ARHGAP20: variants seen among roughly 807,000 people sequenced by gnomAD.
ARHGAP20 encodes Rho GTPase activating protein 20.
Under a neutral mutation model 73.7 loss-of-function variants are expected in ARHGAP20, and 34 were observed. The observed-to-expected ratio is 0.46, with a 90% CI of 0.35 to 0.61. The LOEUF is 0.61. Ranked by LOEUF, ARHGAP20 falls within the 20% of genes least tolerant of loss-of-function variation. The pLI is 0.00. For missense variants in ARHGAP20, 1,314 were observed against 1,420.9 expected, an observed-to-expected ratio of 0.92 and a Z score of 1.21; for synonymous variants, 523 against 518.2, an observed-to-expected ratio of 1.01 and a Z score of -0.13.
At chr11:110,649,201 CTTT>C (rs869156175) in intron 2 of ARHGAP20, among the ~76,000 whole-genome samples, 10,230 of 86,772 alleles carry the variant, frequency 0.12, 209 homozygotes, top group South Asian at 0.21. Context: ...ATTATTAAAC[CTTT>C]TTTTTTTTTT....
chr11:110,711,626 G>A (rs1591202273), intron 1 of ARHGAP20: 3 of 1,485,340 alleles, frequency 2.0e-6, no homozygotes, highest in Non-Finnish European at 2.7e-6. Flanking sequence ...TGAGGGGGCC[G>A]AGCCCACCAG....
intron 4 of ARHGAP20, among the ~76,000 whole-genome samples, chr11:110,618,127 C>T (rs1476344035): frequency 1.3e-5 from 2 of 151,886 alleles, no homozygotes; most frequent in African/African-American, 2.4e-5. Flanking sequence ...AGCAGCAGAA[C>T]ATCTCTGGAT....
At position 110,675,805 on chromosome 11, in the gene ARHGAP20, A is replaced by G. The variant is rs571963447; in HGVS notation, c.188+14742T>C. ...ACCCAGCATAGATAGCAGTACCTCT[A>G]TGAAGCTTTCCCTCATGCCCTAAGG... On this transcript the variant is annotated intron_variant, in intron 2 of 14. Transcript: ENST00000683387. 6.6e-5 allele frequency among the ~76,000 whole-genome samples: 10 copies of G among 152,318 alleles called. No individual in the cohort carries two copies. The South Asian group carries it at 1.0e-3, about 16-fold the overall frequency.
chr11:110,636,098 G>A (rs1948961608), intron 2 of ARHGAP20, among the ~76,000 whole-genome samples: 1 of 152,092 alleles, frequency 6.6e-6, no homozygotes, highest in Admixed American at 6.6e-5. Context: ...CCATCAGATT[G>A]CAGTATGGCT....
intron 2 of ARHGAP20, among the ~76,000 whole-genome samples, chr11:110,641,198 G>C (rs1053096851): frequency 6.6e-6 from 1 of 152,008 alleles, no homozygotes; most frequent in Non-Finnish European, 1.5e-5. Context: ...AAACATAAAC[G>C]TTAAGTAAGT....
intron 11 of ARHGAP20, among the ~76,000 whole-genome samples, chr11:110,588,476 A>G (rs1947731765): frequency 6.6e-6 from 1 of 152,238 alleles, no homozygotes; most frequent in Non-Finnish European, 1.5e-5. Flanking sequence ...AGATTCAAAA[A>G]CAAGAAATAA....
intron 1 of ARHGAP20, among the ~76,000 whole-genome samples, chr11:110,701,660 GC>G (rs1444336751): frequency 6.6e-6 from 1 of 152,110 alleles, no homozygotes; most frequent in Non-Finnish European, 1.5e-5. Flanking sequence ...CCTTGCCCAT[GC>G]CTATGTCCTG....
At chr11:110,679,769 T>C (rs574035265) in intron 2 of ARHGAP20, among the ~76,000 whole-genome samples, 1 of 152,304 alleles carries the variant, frequency 6.6e-6, no homozygotes, top group South Asian at 2.1e-4. Context: ...AGCAGGAGAC[T>C]AGAATCCATT....
Position 110,665,559 on chromosome 11 carries a change from G to A in ARHGAP20, c.188+24988C>T, listed in dbSNP as rs180828633. Among the ~76,000 whole-genome samples, 214 of 152,272 alleles carry A rather than the reference G, an allele frequency of 1.4e-3. 4 individuals are homozygous for A. The South Asian group carries it at 0.018, about 13-fold the overall frequency. ...CTAGACAGAGATTCTATTGCACAGG[G>A]CAGGGAATAAGAAGCTAAACAGAGC... On this transcript the variant is annotated intron_variant, in intron 2 of 14. Coordinates refer to ENST00000683387, the MANE Select transcript of ARHGAP20 (RefSeq NM_001384657.1).
At chr11:110,692,021 C>T (rs770810732) in intron 1 of ARHGAP20, among the ~76,000 whole-genome samples, 1 of 152,132 alleles carries the variant, frequency 6.6e-6, no homozygotes, top group Non-Finnish European at 1.5e-5. Flanking sequence ...AGAGAAACAG[C>T]CCGGAGTTAT....
At chr11:110,639,487 A>G (rs537948998) in intron 2 of ARHGAP20, among the ~76,000 whole-genome samples, 2 of 152,008 alleles carry the variant, frequency 1.3e-5, no homozygotes, top group South Asian at 4.2e-4. Flanking sequence ...TAGTACACTG[A>G]CAGTGTTGTA....
intron 1 of ARHGAP20, among the ~76,000 whole-genome samples, chr11:110,695,515 G>A (rs1302244230): frequency 6.6e-6 from 1 of 151,552 alleles, no homozygotes; most frequent in Non-Finnish European, 1.5e-5. Flanking sequence ...TTAAAAGTGG[G>A]CAAAGGATAT....
At chr11:110,636,680 A>G (rs772552083) in intron 2 of ARHGAP20, among the ~76,000 whole-genome samples, 1 of 152,116 alleles carries the variant, frequency 6.6e-6, no homozygotes, top group Admixed American at 6.6e-5. Flanking sequence ...ACACTAAAAT[A>G]AAAGTAAACA....
Position 110,712,330 on chromosome 11 carries a change from G to C in ARHGAP20, c.-99C>G. On this transcript the variant is annotated 5_prime_UTR_variant, in exon 1 of 15. Coordinates refer to ENST00000683387, the MANE Select transcript of ARHGAP20 (RefSeq NM_001384657.1). The stretch of plus-strand genomic sequence containing the variant: ...GGCGAGGACGCGCGGGCGGAGGCGC[G>C]GCTGCCGTGCTCAGGCAGGGAGCCG... The C allele has an allele frequency of 8.6e-6, 9 of 1,042,234 alleles. No homozygotes were observed. Among genetic ancestry groups the C allele is most frequent in the Non-Finnish European group, 1.1e-5 (9 of 802,364 alleles). 64.6% of individuals were successfully genotyped at this position (1,042,234 alleles called of 1,614,324 possible). A position where few individuals can be genotyped will look rare whatever the true frequency, so the allele number is the denominator to read the frequency against.
intron 4 of ARHGAP20, among the ~76,000 whole-genome samples, chr11:110,623,361 A>G (rs1383064230): frequency 2.6e-5 from 4 of 152,244 alleles, no homozygotes; most frequent in African/African-American, 9.6e-5. Context: ...ACAGTTATTC[A>G]AAATCACAGG....
intron 9 of ARHGAP20, among the ~76,000 whole-genome samples, chr11:110,600,810 G>A (rs966689316): frequency 1.3e-5 from 2 of 151,750 alleles, no homozygotes. Context: ...TTTCCCACTG[G>A]GGATCAACCA....
At chr11:110,660,076 A>ACAAAAAAAAAAAG in intron 2 of ARHGAP20, among the ~76,000 whole-genome samples, 2 of 129,226 alleles carry the variant, frequency 1.5e-5, no homozygotes, top group African/African-American at 6.1e-5. Context: ...AAAAAAAAAA[A>ACAAAAAAAAAAAG]AAGAAAATAC....
chr11:110,580,858 GC>G lies in ARHGAP20; in HGVS notation c.2087del (p.Ser696ThrfsTer2). 1 of 1,612,750 alleles carries G rather than the reference GC, an allele frequency of 6.2e-7. No individual in the cohort carries two copies. The highest frequency in any genetic ancestry group is 8.5e-7 in the Non-Finnish European group (1 of 1,178,928). ...CTGAGCAACGCCGGTGTCGCCTCAGGCTTTTTGCAGCATTTGCTGCAGCTGT... is the reference window on the plus strand; with the variant it reads ...CTGAGCAACGCCGGTGTCGCCTCAGGTTTTTGCAGCATTTGCTGCAGCTGT... ...LSTAAANAAK[S>X]LRRHRRCSEP... On this transcript the variant is annotated frameshift_variant, in exon 15 of 15. Transcript: ENST00000683387. LOFTEE classifies it low-confidence loss of function (END_TRUNC).
chr11:110,661,791 C>T (rs1195481355), intron 2 of ARHGAP20, among the ~76,000 whole-genome samples: 1 of 152,036 alleles, frequency 6.6e-6, no homozygotes, highest in African/African-American at 2.4e-5. Flanking sequence ...TTCTACGTCA[C>T]TAGCAAGAAT....
Sources: allele counts gnomAD v4.1 joint callset (sites outside exome capture counted in the v4.1 genomes callset), GRCh38; gene constraint gnomAD v4.1.1; transcripts MANE v1.5; gene names NCBI Gene and HGNC (gene_info 2026-07-23, HGNC 2026-07-21).